Variants in EPHA7 observed in about 807,000 individuals in gnomAD.
EPHA7 encodes ephrin type-A receptor 7.
Under a neutral mutation model 112.6 loss-of-function variants are expected in EPHA7, and 25 were observed. The observed-to-expected ratio is 0.22, with a 90% CI of 0.16 to 0.31. EPHA7 has a LOEUF of 0.31. Ranked by LOEUF, EPHA7 falls within the 10% of genes least tolerant of loss-of-function variation. The pLI is 1.00. For missense variants in EPHA7, 962 were observed against 1,212.6 expected, an observed-to-expected ratio of 0.79 and a Z score of 3.07; for synonymous variants, 437 against 406.5, an observed-to-expected ratio of 1.07 and a Z score of -0.90.
chr6:93,321,933 C>T (rs164302), intron 5 of EPHA7, among the ~76,000 whole-genome samples: 57,572 of 151,614 alleles, frequency 0.38, 11,758 homozygotes, highest in African/African-American at 0.54. Flanking sequence ...TGCCACTGTA[C>T]GACCTTGGGT....
At chr6:93,337,959 T>G (rs1774955516) in intron 5 of EPHA7, among the ~76,000 whole-genome samples, 3 of 145,484 alleles carry the variant, frequency 2.1e-5, no homozygotes, top group African/African-American at 2.6e-5. Flanking sequence ...TGGAGGGAGG[T>G]GAGGAAAAGA....
At chr6:93,306,423 T>G (rs1773261325) in intron 5 of EPHA7, among the ~76,000 whole-genome samples, 1 of 152,136 alleles carries the variant, frequency 6.6e-6, no homozygotes, top group South Asian at 2.1e-4. Flanking sequence ...ATGGATTAAT[T>G]AAAGCAAATA....
rs1441615351 is a variant in EPHA7, at chr6:93,243,639, A to T, written c.2883-99T>A. The T allele has an allele frequency of 1.3e-5, 10 of 785,052 alleles. 1 individual carries two copies. The South Asian group carries it at 1.5e-4, about 12-fold the overall frequency. The allele number at this position is 785,052 out of a possible 1,614,324, so 48.6% of individuals were successfully genotyped here. On this transcript the variant is annotated intron_variant, in intron 16 of 16. Transcript: ENST00000369303. ...TTTAATTAAATACGTTATCTTAGCCAAATAGATCTTATCTTAGTGTTCTTG... is the reference window on the plus strand; with the variant it reads ...TTTAATTAAATACGTTATCTTAGCCTAATAGATCTTATCTTAGTGTTCTTG...
intron 5 of EPHA7, among the ~76,000 whole-genome samples, chr6:93,309,083 G>T (rs1242015364): frequency 6.6e-6 from 1 of 151,960 alleles, no homozygotes; most frequent in Non-Finnish European, 1.5e-5. Flanking sequence ...TGAGTAGCTG[G>T]GATTACAGGC....
At chr6:93,344,648 A>AT (rs1775304290) in intron 5 of EPHA7, among the ~76,000 whole-genome samples, 1 of 151,658 alleles carries the variant, frequency 6.6e-6, no homozygotes, top group Non-Finnish European at 1.5e-5. Context: ...ACCTCAAGTT[A>AT]TCAGTAAAAA....
At chr6:93,414,226 CA>C (rs1237840802) in intron 2 of EPHA7, among the ~76,000 whole-genome samples, 6 of 151,536 alleles carry the variant, frequency 4.0e-5, no homozygotes, top group African/African-American at 1.5e-4. Flanking sequence ...AATTGTATAC[CA>C]AAATGTTGAA....
chr6:93,252,404 C>A (rs1770255970), intron 14 of EPHA7, among the ~76,000 whole-genome samples: 1 of 145,182 alleles, frequency 6.9e-6, no homozygotes, highest in Non-Finnish European at 1.5e-5. Flanking sequence ...ATGAATACAT[C>A]TGAAAATCTG....
chr6:93,307,088 A>T (rs1343141773), intron 5 of EPHA7, among the ~76,000 whole-genome samples: 1 of 151,994 alleles, frequency 6.6e-6, no homozygotes, highest in Non-Finnish European at 1.5e-5. Flanking sequence ...TAATAAAAAT[A>T]AATTCAGTCT....
intron 5 of EPHA7, among the ~76,000 whole-genome samples, chr6:93,334,632 G>A (rs867730609): frequency 5.3e-5 from 8 of 151,968 alleles, no homozygotes; most frequent in African/African-American, 1.7e-4. Context: ...AATATATAAT[G>A]TAGAAAAAAA....
intron 6 of EPHA7, among the ~76,000 whole-genome samples, chr6:93,271,054 A>C (rs906631245): frequency 6.6e-6 from 1 of 151,710 alleles, no homozygotes; most frequent in South Asian, 2.1e-4. Flanking sequence ...ATTGGATGCA[A>C]TTTAAGCAGA....
At chr6:93,416,321 T>C (rs1316677569) in intron 1 of EPHA7, among the ~76,000 whole-genome samples, 1 of 152,204 alleles carries the variant, frequency 6.6e-6, no homozygotes, top group African/African-American at 2.4e-5. Context: ...TGAGATGCTT[T>C]CTTAATTTTT....
Position 93,241,796 on chromosome 6 carries a change from G to A in EPHA7, c.*1630C>T, listed in dbSNP as rs974744991. On this transcript the variant is annotated 3_prime_UTR_variant, in exon 17 of 17. Transcript: ENST00000369303. ...ATAGTGCATTTTCAATGTATTCAGA[G>A]CCCACTACAGAGAAATGTGTGTACA... The A allele has an allele frequency of 2.7e-5, 6 of 219,222 alleles. No individual in the cohort carries two copies. The highest frequency in any genetic ancestry group is 5.8e-5 in the Admixed American group (1 of 17,294). 13.6% of individuals were successfully genotyped at this position (219,222 alleles called of 1,614,324 possible).
intron 3 of EPHA7, among the ~76,000 whole-genome samples, chr6:93,394,118 A>G (rs1182571405): frequency 6.6e-6 from 1 of 151,800 alleles, no homozygotes; most frequent in Middle Eastern, 3.2e-3. Context: ...AAATTAGCTC[A>G]ATTTAATCCA....
At chr6:93,282,102 T>A (rs1771773086) in intron 5 of EPHA7, among the ~76,000 whole-genome samples, 2 of 152,110 alleles carry the variant, frequency 1.3e-5, no homozygotes, top group Admixed American at 1.3e-4. Flanking sequence ...CTCTGGAAAT[T>A]CATAGATTTG....
Position 93,301,530 on chromosome 6 carries a change from T to C in EPHA7, c.1325-29108A>G, listed in dbSNP as rs139217605. On this transcript the variant is annotated intron_variant, in intron 5 of 16. Coordinates refer to ENST00000369303, the MANE Select transcript of EPHA7 (RefSeq NM_004440.4). ...TTGTTAAATACTTTATAAATGTTTA[T>C]ATAATAAATTTAATAGCGATTTTTT... 4.7e-4 allele frequency among the ~76,000 whole-genome samples: 72 copies of C among 152,286 alleles called. 1 individual carries two copies. The highest frequency in any genetic ancestry group is 2.5e-3 in the Admixed American group (38 of 15,286).
At chr6:93,417,387 G>A (rs1204941109) in intron 1 of EPHA7, among the ~76,000 whole-genome samples, 1 of 152,060 alleles carries the variant, frequency 6.6e-6, no homozygotes, top group Admixed American at 6.5e-5. Context: ...GAAGCCGGGC[G>A]CACTCGCCGC....
intron 5 of EPHA7, among the ~76,000 whole-genome samples, chr6:93,312,356 C>A (rs979725810): frequency 6.6e-6 from 1 of 152,076 alleles, no homozygotes; most frequent in African/African-American, 2.4e-5. Flanking sequence ...GCTGTAGTTT[C>A]TATATCAACA....
Position 93,419,271 on chromosome 6 carries a change from G to C in EPHA7, c.71C>G (p.Thr24Arg), listed in dbSNP as rs200143358. 1.9e-6 allele frequency: 3 copies of C among 1,613,840 alleles called. No individual in the cohort carries two copies. The highest frequency in any genetic ancestry group is 3.3e-5 in the Admixed American group (2 of 59,994). ...CYIWLLRFAHTGEAQAAKEVL... is the reference protein window; with the variant it reads ...CYIWLLRFAHRGEAQAAKEVL... ...TTCCTTCGCAGCCTGCGCCTCCCCT[G>C]TGTGTGCAAAGCGGAGCAGCCAGAT... Residue 24 changes from threonine (T) to arginine (R), a missense_variant, in exon 1 of 17, where the codon ACA becomes AGA. Coordinates refer to ENST00000369303, the MANE Select transcript of EPHA7 (RefSeq NM_004440.4).
chr6:93,331,368 T>C (rs142508273), intron 5 of EPHA7, among the ~76,000 whole-genome samples: 297 of 151,372 alleles, frequency 2.0e-3, no homozygotes, highest in Middle Eastern at 6.8e-3. Flanking sequence ...CAGTTTTCTT[T>C]ACCTTTAATC....
Sources: allele counts gnomAD v4.1 joint callset (sites outside exome capture counted in the v4.1 genomes callset), GRCh38; gene constraint gnomAD v4.1.1; transcripts MANE v1.5; gene names NCBI Gene and HGNC (gene_info 2026-07-23, HGNC 2026-07-21).